Variants in SMARCA2 observed in about 807,000 individuals in gnomAD.
SMARCA2 encodes the protein SWI/SNF related BAF chromatin remodeling complex subunit ATPase 2.
A neutral mutation model predicts 199.8 loss-of-function variants in SMARCA2; 61 were observed. That is an observed-to-expected ratio of 0.31 (90% CI 0.25 to 0.38). The LOEUF is 0.38. Ranked by LOEUF, SMARCA2 falls within the 10% of genes least tolerant of loss-of-function variation. SMARCA2 has a pLI of 1.00. For synonymous variants in SMARCA2, 935 were observed against 732.0 expected (o/e 1.28, Z -4.48); for missense variants, 1,344 against 2,012.2 (o/e 0.67, Z 6.35).
At position 2,166,789 on chromosome 9, in the gene SMARCA2, C is replaced by T. The variant is rs1033792684; in HGVS notation, c.4200-3630C>T. On this transcript the variant is annotated intron_variant, in intron 28 of 33. Transcript: ENST00000349721. Reference sequence around the variant, plus strand: ...TTAAGGTTGGCTACCCATCAGTGAACTCATATAGCCATGCTCTCATGTCAC... The same window carrying T: ...TTAAGGTTGGCTACCCATCAGTGAATTCATATAGCCATGCTCTCATGTCAC... 2.0e-5 allele frequency among the ~76,000 whole-genome samples: 3 copies of T among 152,158 alleles called. No individual in the cohort carries two copies. The East Asian group carries it at 5.8e-4, about 29-fold the overall frequency.
intron 32 of SMARCA2, 70 bp from the exon 33 acceptor site, chr9:2,191,196 G>C (rs906159526): frequency 6.5e-5 from 94 of 1,450,944 alleles, no homozygotes; most frequent in Non-Finnish European, 8.8e-5. Context: ...GTTGGTGATA[G>C]TCTTACCACC....
rs181048254 is a variant in SMARCA2 at position 2,142,660 on chromosome 9, T to C, written c.3981+18723T>C. On this transcript the variant is annotated intron_variant, in intron 27 of 33. Coordinates refer to ENST00000349721, the MANE Select transcript of SMARCA2 (RefSeq NM_003070.5). Reference sequence around the variant, plus strand: ...AACTCTCAAAGCTAAAATAAGAAGATTGTGTAGTTACTAGTTAAAATAAAG... The same window carrying C: ...AACTCTCAAAGCTAAAATAAGAAGACTGTGTAGTTACTAGTTAAAATAAAG... Among the ~76,000 whole-genome samples, 18 of 152,280 alleles carry C rather than the reference T, an allele frequency of 1.2e-4. No homozygotes were observed. The East Asian group carries it at 2.9e-3, about 24-fold the overall frequency.
chr9:2,171,037 C>G (rs1826224274), intron 29 of SMARCA2, among the ~76,000 whole-genome samples: 1 of 152,152 alleles, frequency 6.6e-6, no homozygotes, highest in South Asian at 2.1e-4. Flanking sequence ...TGTGTAGTCC[C>G]AAGCATCTAA....
At chr9:2,183,950 G>C (rs1239639120) in intron 31 of SMARCA2, among the ~76,000 whole-genome samples, 2 of 152,258 alleles carry the variant, frequency 1.3e-5, no homozygotes, top group East Asian at 1.9e-4. Flanking sequence ...CACTCTGACT[G>C]TCTCACAACT....
At chr9:2,061,031 G>C in intron 9 of SMARCA2, 45 bp downstream of exon 9, 1 of 1,580,844 alleles carries the variant, frequency 6.3e-7, no homozygotes, top group Non-Finnish European at 8.6e-7. Flanking sequence ...TGTATGGGCA[G>C]GGATAAGTTT....
intron 10 of SMARCA2, 136 bp downstream of exon 10, chr9:2,070,607 T>C: frequency 6.3e-6 from 4 of 634,872 alleles, no homozygotes; most frequent in Non-Finnish European, 1.1e-5. Context: ...TACATTAGCA[T>C]AGTAGAAAAT....
chr9:2,146,752 A>G (rs941066939), intron 27 of SMARCA2, among the ~76,000 whole-genome samples: 1 of 152,136 alleles, frequency 6.6e-6, no homozygotes, highest in Admixed American at 6.5e-5. Flanking sequence ...TTTTTAGACC[A>G]CATAGGGTAA....
intron 20 of SMARCA2, chr9:2,097,029 T>A (rs1822302425): frequency 3.9e-6 from 2 of 512,034 alleles, no homozygotes; most frequent in East Asian, 6.8e-5. Flanking sequence ...TCTGCCTAAG[T>A]GTGGGGTGGC....
At chr9:2,138,570 T>C (rs552659460) in intron 27 of SMARCA2, among the ~76,000 whole-genome samples, 1 of 152,350 alleles carries the variant, frequency 6.6e-6, no homozygotes, top group African/African-American at 2.4e-5. Flanking sequence ...AGGCTTCCCA[T>C]AGTCCGTTCT....
intron 29 of SMARCA2, among the ~76,000 whole-genome samples, chr9:2,179,966 G>A (rs1446667040): frequency 6.6e-6 from 1 of 152,196 alleles, no homozygotes; most frequent in Non-Finnish European, 1.5e-5. Context: ...ATCTCAGAAT[G>A]GTAGGAAAAG....
intron 27 of SMARCA2, among the ~76,000 whole-genome samples, chr9:2,141,665 T>C (rs1322061770): frequency 2.6e-5 from 4 of 152,194 alleles, no homozygotes; most frequent in Admixed American, 1.3e-4. Context: ...CCCATTTCTC[T>C]GGCCTATTTT....
intron 9 of SMARCA2, among the ~76,000 whole-genome samples, chr9:2,062,547 C>A (rs927897608): frequency 6.6e-6 from 1 of 152,114 alleles, no homozygotes; most frequent in Non-Finnish European, 1.5e-5. Context: ...TTTTTGTGTT[C>A]ATCTGTACAG....
At chr9:2,059,945 A>G (rs1242737609) in intron 8 of SMARCA2, among the ~76,000 whole-genome samples, 1 of 152,110 alleles carries the variant, frequency 6.6e-6, no homozygotes, top group African/African-American at 2.4e-5. Context: ...ATTTCTCTCA[A>G]AATGGCTTAG....
At chr9:2,088,901 C>T (rs1250105920) in intron 19 of SMARCA2, among the ~76,000 whole-genome samples, 2 of 74,892 alleles carry the variant, frequency 2.7e-5, no homozygotes, top group East Asian at 3.2e-4. Context: ...TTTTAAATTA[C>T]GGACCTCATT....
chr9:2,085,501 G>A (rs1821762941), intron 17 of SMARCA2, among the ~76,000 whole-genome samples: 1 of 152,162 alleles, frequency 6.6e-6, no homozygotes, highest in South Asian at 2.1e-4. Context: ...AGGCAGGAAA[G>A]TAGATTTAGG....
At chr9:2,096,513 C>G (rs62534891) in intron 19 of SMARCA2, 144 bp from the exon 20 acceptor site, 6 of 610,408 alleles carry the variant, frequency 9.8e-6, no homozygotes, top group Non-Finnish European at 1.8e-5. Context: ...CTAACACCCC[C>G]ATCTCACCCC....
intron 23 of SMARCA2, among the ~76,000 whole-genome samples, chr9:2,107,121 T>A (rs1178480998): frequency 6.6e-6 from 1 of 151,676 alleles, no homozygotes; most frequent in Non-Finnish European, 1.5e-5. Flanking sequence ...CAAAAAAAAT[T>A]TGTTAAATTA....
rs1384868450 is a variant in SMARCA2, at chr9:2,193,392, C to T, written c.*653C>T. 2 of 152,576 alleles carry T rather than the reference C, an allele frequency of 1.3e-5. No homozygotes were observed. Among genetic ancestry groups the T allele is most frequent in the Admixed American group, 6.5e-5 (1 of 15,274 alleles). The allele number at this position is 152,576 out of a possible 1,614,324, so 9.5% of individuals were successfully genotyped here. On this transcript the variant is annotated 3_prime_UTR_variant, in exon 34 of 34. Transcript: ENST00000349721. ...ATTTAAAAAAAAGTTTTGTTGAAAGCGCTATTGAATATTGCAATCTATATA... is the reference window on the plus strand; with the variant it reads ...ATTTAAAAAAAAGTTTTGTTGAAAGTGCTATTGAATATTGCAATCTATATA...
At chr9:2,025,757 C>A (rs191620887) in intron 1 of SMARCA2, among the ~76,000 whole-genome samples, 32 of 152,306 alleles carry the variant, frequency 2.1e-4, no homozygotes, top group Non-Finnish European at 4.1e-4. Context: ...TTTCTTCATA[C>A]TGTGGGAAAG....
Sources: gnomAD v4.1 joint callset for allele counts (sites outside exome capture counted in the v4.1 genomes callset) on GRCh38, gnomAD v4.1.1 for gene constraint, MANE v1.5 for transcripts, NCBI Gene and HGNC (gene_info 2026-07-23, HGNC 2026-07-21) for gene names.